GSDME: variants seen among roughly 807,000 people sequenced by gnomAD.
GSDME encodes the protein gasdermin E, also known as gasdermin-E.
GSDME carries 44 observed loss-of-function variants against 47.5 expected under a neutral mutation model. The ratio of observed to expected loss-of-function variants is 0.93; its 90% CI spans 0.73 to 1.19. GSDME has a LOEUF of 1.19. Ranked by LOEUF, GSDME falls within the 50% of genes most tolerant of loss-of-function variation. The pLI is 0.00. For synonymous variants in GSDME, 258 were observed against 252.8 expected (o/e 1.02, Z -0.20); for missense variants, 663 against 604.2 (o/e 1.10, Z -1.02).
intron 8 of GSDME, 106 bp from the exon 9 acceptor site, chr7:24,702,939 C>G: frequency 1.1e-6 from 1 of 897,526 alleles, no homozygotes; most frequent in Non-Finnish European, 1.8e-6. Context: ...TTCCCGCCAG[C>G]CAGGCAGGGG....
At position 24,732,231 on chromosome 7, in the gene GSDME, T is replaced by G. The variant is rs1790169210; in HGVS notation, c.404+12331A>C. 6.6e-6 allele frequency among the ~76,000 whole-genome samples: 1 copy of G among 152,244 alleles called. No homozygotes were observed. Among genetic ancestry groups the G allele is most frequent in the Non-Finnish European group, 1.5e-5 (1 of 68,040 alleles). On this transcript the variant is annotated intron_variant, in intron 3 of 9. Transcript: ENST00000645220. The surrounding 1 kb of genome is among the most constrained non-coding windows in gnomAD (Gnocchi z 4.8). ...AAAGCACAAAGACAAATGGGATGAT[T>G]TTCAAACCCTCTGGTAGCCATTGGG... is the stretch of plus-strand genomic sequence containing the variant.
intron 3 of GSDME, among the ~76,000 whole-genome samples, chr7:24,730,382 T>C (rs980804288): frequency 6.6e-6 from 1 of 152,236 alleles, no homozygotes; most frequent in Non-Finnish European, 1.5e-5. Context: ...CATAGAATAA[T>C]GGTGCCTCTT....
In GSDME at chr7:24,719,234, G is replaced by T; in HGVS notation, c.405-16C>A. 6.2e-7 allele frequency: 1 copy of T among 1,605,934 alleles called. No homozygotes were observed. The highest frequency in any genetic ancestry group is 1.1e-5 in the South Asian group (1 of 91,016). ...ATTTATTGTTCTGAAAAAGAAAAAC[G>T]GATGTGAGTGGCTTAGTGCCTCAGG... On this transcript the variant is annotated splice_polypyrimidine_tract_variant and intron_variant, in intron 3 of 9. Coordinates refer to ENST00000645220, the MANE Select transcript of GSDME (RefSeq NM_001127453.2).
the GSDME span, among the ~76,000 whole-genome samples, chr7:24,779,498 G>GGTGTGTGTGTGT: frequency 0.068 from 9,707 of 143,034 alleles, 442 homozygotes; most frequent in African/African-American, 0.096. This position sits in a 1 kb window ranked among gnomAD's most constrained non-coding sequence, Gnocchi z 6.0. Flanking sequence ...AGTGATACAT[G>GGTGTGTGTGTGT]GTGTGTGTGT....
Position 24,705,520 on chromosome 7 carries a change from AGAGGGAATAG to A in GSDME, c.1183+654_1183+663del, listed in dbSNP as rs1789060100. 1 of 157,400 alleles carries A rather than the reference AGAGGGAATAG, an allele frequency of 6.4e-6. No individual in the cohort carries two copies. The highest frequency in any genetic ancestry group is 1.9e-4 in the South Asian group (1 of 5,174). The allele number at this position is 157,400 out of a possible 1,614,324, so 9.8% of individuals were successfully genotyped here. A position where few individuals can be genotyped will look rare whatever the true frequency, so the allele number is the denominator to read the frequency against. ...TGGTTTGCCACAACTGGCTTTTCTG[AGAGGGAATAG>A]GAAGCCCAGCTTCCTCGTGACAGGC... On this transcript the variant is annotated intron_variant, in intron 8 of 9. Coordinates refer to ENST00000645220, the MANE Select transcript of GSDME (RefSeq NM_001127453.2). This position sits in a 1 kb window ranked among gnomAD's most constrained non-coding sequence, Gnocchi z 4.1.
the GSDME span, among the ~76,000 whole-genome samples, chr7:24,774,011 C>T: frequency 6.6e-6 from 1 of 152,148 alleles, no homozygotes; most frequent in Non-Finnish European, 1.5e-5. Flanking sequence ...AATATAAAAA[C>T]ATTTACCCTG....
Position 24,733,322 on chromosome 7 carries a change from C to T in GSDME, c.404+11240G>A, listed in dbSNP as rs894191499. On this transcript the variant is annotated intron_variant, in intron 3 of 9. Coordinates refer to ENST00000645220, the MANE Select transcript of GSDME (RefSeq NM_001127453.2). The surrounding 1 kb of genome is among the most constrained non-coding windows in gnomAD (Gnocchi z 4.3). ...GGGTGAGACTCTGAGACATGCTGAC[C>T]CAGCTGTGGTCAGGTGTGACTCGGC... 6.6e-6 allele frequency among the ~76,000 whole-genome samples: 1 copy of T among 151,892 alleles called. No homozygotes were observed. The highest frequency in any genetic ancestry group is 2.4e-5 in the African/African-American group (1 of 41,336).
At chr7:24,715,262 T>C (rs1789506912) in intron 5 of GSDME, among the ~76,000 whole-genome samples, 1 of 152,094 alleles carries the variant, frequency 6.6e-6, no homozygotes, top group South Asian at 2.1e-4. Context: ...GCTGGTAAGT[T>C]CTGGGGATCT....
rs1160183789 is a variant in GSDME at position 24,706,084 on chromosome 7, T to C, written c.1183+100A>G. 16 of 1,421,242 alleles carry C rather than the reference T, an allele frequency of 1.1e-5. No individual in the cohort carries two copies. In the East Asian group the frequency reaches 3.6e-4, roughly 32 times the overall value. The allele number at this position is 1,421,242 out of a possible 1,614,324, so 88.0% of individuals were successfully genotyped here. On this transcript the variant is annotated intron_variant, in intron 8 of 9. Coordinates refer to ENST00000645220, the MANE Select transcript of GSDME (RefSeq NM_001127453.2). ...AAGGGAAGGACCTGTATGTACCATATCTTCCACAGTTACCACCTCTGTGTC... is the reference window on the plus strand; with the variant it reads ...AAGGGAAGGACCTGTATGTACCATACCTTCCACAGTTACCACCTCTGTGTC...
At chr7:24,740,970 C>T (rs1029316648) in intron 3 of GSDME, among the ~76,000 whole-genome samples, 2 of 152,168 alleles carry the variant, frequency 1.3e-5, no homozygotes, top group Non-Finnish European at 2.9e-5. Context: ...GCCGGGACCG[C>T]GGCCCAGAAC....
rs1004054891 is a variant in GSDME at position 24,705,258 on chromosome 7, G to A, written c.1183+926C>T. 1 of 152,134 alleles carries A rather than the reference G, an allele frequency of 6.6e-6. No homozygotes were observed. The highest frequency in any genetic ancestry group is 6.5e-5 in the Admixed American group (1 of 15,272). The allele number at this position is 152,134 out of a possible 1,614,324, so 9.4% of individuals were successfully genotyped here. Reference sequence around the variant, plus strand: ...AAAGTCTCTAGTGGAGTTCCGCAGGGCTCTGTCTTATGTCCTGTTTCAGTT... The same window carrying A: ...AAAGTCTCTAGTGGAGTTCCGCAGGACTCTGTCTTATGTCCTGTTTCAGTT... On this transcript the variant is annotated intron_variant, in intron 8 of 9. Transcript: ENST00000645220. The surrounding 1 kb of genome is among the most constrained non-coding windows in gnomAD (Gnocchi z 4.1).
intron 3 of GSDME, among the ~76,000 whole-genome samples, chr7:24,734,250 G>A (rs1790232374): frequency 6.6e-6 from 1 of 152,202 alleles, no homozygotes; most frequent in Admixed American, 6.5e-5. Context: ...AGATACAGCT[G>A]CAGTGACAAA....
Position 24,716,926 on chromosome 7 carries a change from G to A in GSDME, c.697+328C>T, listed in dbSNP as rs940077264. The A allele has an allele frequency of 2.3e-5, 9 of 383,576 alleles. No individual in the cohort carries two copies. The highest frequency in any genetic ancestry group is 6.3e-5 in the East Asian group (1 of 15,968). 23.8% of individuals were successfully genotyped at this position (383,576 alleles called of 1,614,324 possible). A position where few individuals can be genotyped will look rare whatever the true frequency, so the allele number is the denominator to read the frequency against. Reference sequence around the variant, plus strand: ...AGACCTCATAGGACATCATGGCACCGGGGTTGATGCCCAGTGTGTCTGATG... The same window carrying A: ...AGACCTCATAGGACATCATGGCACCAGGGTTGATGCCCAGTGTGTCTGATG... On this transcript the variant is annotated intron_variant, in intron 5 of 9. Coordinates refer to ENST00000645220, the MANE Select transcript of GSDME (RefSeq NM_001127453.2). The surrounding 1 kb of genome is among the most constrained non-coding windows in gnomAD (Gnocchi z 4.5).
the GSDME span, among the ~76,000 whole-genome samples, chr7:24,767,619 C>T: frequency 2.7e-5 from 4 of 147,040 alleles, no homozygotes; most frequent in Admixed American, 2.7e-4. The surrounding 1 kb of genome is among the most constrained non-coding windows in gnomAD (Gnocchi z 5.3). Context: ...GTTGTAGAAC[C>T]TTTTTTTTTT....
intron 3 of GSDME, among the ~76,000 whole-genome samples, chr7:24,734,693 T>G (rs1022067586): frequency 6.6e-6 from 1 of 152,196 alleles, no homozygotes; most frequent in African/African-American, 2.4e-5. Context: ...CAGAATTGAT[T>G]AAGCAGAAGA....
chr7:24,744,619 C>A lies in GSDME; in HGVS notation c.347G>T (p.Gly116Val). 6.2e-7 allele frequency: 1 copy of A among 1,614,164 alleles called. No homozygotes were observed. The highest frequency in any genetic ancestry group is 8.5e-7 in the Non-Finnish European group (1 of 1,180,026). Reference sequence around the variant, plus strand: ...ATCCACCTCCTGCTTCCTCAGGGTTCCAAATGAAGACTGGCTCTCTACGCG... The same window carrying A: ...ATCCACCTCCTGCTTCCTCAGGGTTACAAATGAAGACTGGCTCTCTACGCG... ...SSRVESQSSF[G>V]TLRKQEVDLQ... Residue 116 changes from glycine (G) to valine (V), a missense_variant, in exon 3 of 10, where the codon GGA (glycine) becomes GTA (valine). Transcript: ENST00000645220. This position sits in a 1 kb window ranked among gnomAD's most constrained non-coding sequence, Gnocchi z 4.5.
At chr7:24,750,000 C>T (rs1315641737) in intron 1 of GSDME, among the ~76,000 whole-genome samples, 2 of 152,102 alleles carry the variant, frequency 1.3e-5, no homozygotes, top group Non-Finnish European at 2.9e-5. Context: ...TCTGGATATG[C>T]TAGGTTACGC....
the GSDME span, among the ~76,000 whole-genome samples, chr7:24,770,065 C>T: frequency 6.6e-6 from 1 of 152,100 alleles, no homozygotes; most frequent in East Asian, 1.9e-4. The surrounding 1 kb of genome is among the most constrained non-coding windows in gnomAD (Gnocchi z 4.6). Flanking sequence ...TGGGACTTGT[C>T]CCAGAAAGAC....
the GSDME span, among the ~76,000 whole-genome samples, chr7:24,768,241 G>T: frequency 1.1e-4 from 16 of 152,238 alleles, no homozygotes; most frequent in Non-Finnish European, 2.1e-4. The surrounding 1 kb of genome is among the most constrained non-coding windows in gnomAD (Gnocchi z 5.6). Flanking sequence ...GTGCAGGGGA[G>T]AGGATTCTGC....
Sources: allele counts gnomAD v4.1 joint callset (sites outside exome capture counted in the v4.1 genomes callset), GRCh38; gene constraint gnomAD v4.1.1; non-coding constraint Gnocchi (gnomAD v3.1); transcripts MANE v1.5; gene names NCBI Gene and HGNC (gene_info 2026-07-23, HGNC 2026-07-21).